Variants in LMX1A observed in about 807,000 individuals in gnomAD.
LMX1A encodes LIM homeobox transcription factor 1-alpha.
A neutral mutation model predicts 49.1 loss-of-function variants in LMX1A; 15 were observed. The ratio of observed to expected loss-of-function variants is 0.31; its 90% confidence interval spans 0.20 to 0.47. The LOEUF is 0.47. LMX1A is among the 20% of genes least tolerant of loss of function. LMX1A has a pLI of 1.00. For synonymous variants in LMX1A, 167 were observed against 185.7 expected, an observed-to-expected ratio of 0.90 and a Z score of 0.82; for missense variants, 372 against 475.8, an observed-to-expected ratio of 0.78 and a Z score of 2.03.
At position 165,213,777 on chromosome 1, in the gene LMX1A, G is replaced by A. The variant is rs770616486; in HGVS notation, c.533C>T (p.Ala178Val). The change falls in exon 5 of 9, where the codon GCC (alanine) becomes GTC (valine). Residue 178 changes from alanine (A) to valine (V), a missense_variant. This residue lies in a region of LMX1A where 199 missense variants were observed against 244.0 expected (regional missense o/e 0.82). Coordinates refer to ENST00000342310, the MANE Select transcript of LMX1A (RefSeq NM_177398.4). ...AGCAGTTCCTTTCCCTGCCCCATGG[G>A]CTGACTTGCAGAGACTTTCTTCATC... ...SDDEESLCKS[A>V]HGAGKGTAEE... 1 of 1,614,126 alleles carries A rather than the reference G, an allele frequency of 6.2e-7. No homozygotes were observed. Among genetic ancestry groups the A allele is most frequent in the Non-Finnish European group, 8.5e-7 (1 of 1,180,006 alleles).
chr1:165,290,374 G>A (rs915227166), intron 3 of LMX1A, among the ~76,000 whole-genome samples: 1 of 152,150 alleles, frequency 6.6e-6, no homozygotes, highest in Non-Finnish European at 1.5e-5. Context: ...TCTGGTGGCT[G>A]CCAATGCCAA....
intron 3 of LMX1A, among the ~76,000 whole-genome samples, chr1:165,341,904 A>G (rs1215547872): frequency 6.6e-6 from 1 of 152,192 alleles, no homozygotes; most frequent in Admixed American, 6.5e-5. Context: ...CCAACTGTTT[A>G]TAAGAGTCTG....
chr1:165,355,589 G>A lies in LMX1A; in HGVS notation c.-22-8C>T, dbSNP rs1434466515. ...GGGCCGGGCCGGGAGGACCTGTAGA[G>A]GAGAAGAAACGATGCGTCTGACGTC... On this transcript the variant is annotated splice_region_variant and splice_polypyrimidine_tract_variant and intron_variant, in intron 1 of 8. Coordinates refer to ENST00000342310, the MANE Select transcript of LMX1A (RefSeq NM_177398.4). This position sits in a 1 kb window ranked among gnomAD's most constrained non-coding sequence, Gnocchi z 4.7. 51 of 1,607,894 alleles carry A rather than the reference G, an allele frequency of 3.2e-5. No homozygotes were observed. The highest frequency in any genetic ancestry group is 4.3e-5 in the Non-Finnish European group (50 of 1,176,216).
intron 3 of LMX1A, among the ~76,000 whole-genome samples, chr1:165,289,404 G>C (rs1654397307): frequency 6.6e-6 from 1 of 152,178 alleles, no homozygotes; most frequent in Non-Finnish European, 1.5e-5. Flanking sequence ...TAGCCCAAGA[G>C]TCAGATGTAA....
intron 4 of LMX1A, among the ~76,000 whole-genome samples, chr1:165,227,601 G>A (rs1362246036): frequency 6.7e-6 from 1 of 149,614 alleles, no homozygotes; most frequent in Non-Finnish European, 1.5e-5. Flanking sequence ...AGAGGGAAAT[G>A]GTTAAGAGCA....
chr1:165,330,532 T>C (rs2101751941), intron 3 of LMX1A, among the ~76,000 whole-genome samples: 1 of 152,336 alleles, frequency 6.6e-6, no homozygotes, highest in African/African-American at 2.4e-5. Context: ...GAGTAGCTCC[T>C]ATGAGACCAA....
chr1:165,289,311 G>A (rs1243954007), intron 3 of LMX1A, among the ~76,000 whole-genome samples: 1 of 151,678 alleles, frequency 6.6e-6, no homozygotes, highest in Non-Finnish European at 1.5e-5. Flanking sequence ...TGGCACTACA[G>A]ATCTAGTTAT....
chr1:165,251,846 T>C (rs1320852722), intron 3 of LMX1A, among the ~76,000 whole-genome samples: 1 of 152,126 alleles, frequency 6.6e-6, no homozygotes, highest in Non-Finnish European at 1.5e-5. Flanking sequence ...ACTATCTCTG[T>C]GGGTCATTCC....
intron 3 of LMX1A, among the ~76,000 whole-genome samples, chr1:165,329,599 T>G (rs1403602611): frequency 6.6e-6 from 1 of 151,408 alleles, no homozygotes; most frequent in African/African-American, 2.4e-5. Context: ...AGGCAGTAAG[T>G]GCCCACATGC....
intron 4 of LMX1A, among the ~76,000 whole-genome samples, chr1:165,226,599 G>A (rs1470186872): frequency 6.6e-6 from 1 of 152,184 alleles, no homozygotes; most frequent in Non-Finnish European, 1.5e-5. Flanking sequence ...CTGAGCTTCG[G>A]GAATCATAGG....
intron 3 of LMX1A, among the ~76,000 whole-genome samples, chr1:165,304,851 TC>T (rs1654878222): frequency 6.6e-6 from 1 of 152,128 alleles, no homozygotes; most frequent in Non-Finnish European, 1.5e-5. Context: ...CTGGAAAACT[TC>T]CCCTCTCCTC....
chr1:165,242,129 A>T (rs1652676445), intron 4 of LMX1A, among the ~76,000 whole-genome samples: 1 of 152,204 alleles, frequency 6.6e-6, no homozygotes, highest in African/African-American at 2.4e-5. Context: ...ACAATAAGCA[A>T]ACATTTACTG....
rs1651171464 is a variant in LMX1A at position 165,208,088 on chromosome 1, C to T, written c.792G>A (p.Gln264=). 6.2e-7 allele frequency: 1 copy of T among 1,614,096 alleles called. No individual in the cohort carries two copies. The highest frequency in any genetic ancestry group is 8.5e-7 in the Non-Finnish European group (1 of 1,180,018). ...ARRQQQQQQD[Q]QNTQRLSSAQ... ...CAGAGCTCAGCCTCTGGGTGTTCTG[C>T]TGATCTTGCTGCTGCTGCTGCTGTC... The change falls in exon 7 of 9, where the codon CAG becomes CAA. Residue 264 remains glutamine, a synonymous_variant. Transcript: ENST00000342310.
At chr1:165,312,743 C>T (rs1655111343) in intron 3 of LMX1A, among the ~76,000 whole-genome samples, 1 of 152,216 alleles carries the variant, frequency 6.6e-6, no homozygotes, top group African/African-American at 2.4e-5. Flanking sequence ...GATCCTCCAT[C>T]CCCAGCTGGT....
chr1:165,271,607 G>A lies in LMX1A; in HGVS notation c.264-21967C>T, dbSNP rs150131332. 4.7e-3 allele frequency among the ~76,000 whole-genome samples: 722 copies of A among 152,234 alleles called. 6 individuals carry two copies. Among genetic ancestry groups the A allele is most frequent in the African/African-American group, 0.017 (691 of 41,530 alleles). Reference sequence around the variant, plus strand: ...CATCCCTGCAATTGAGGGTGCAGTGGACCAAGAGCACAGGTCTTGGGCAGT... The same window carrying A: ...CATCCCTGCAATTGAGGGTGCAGTGAACCAAGAGCACAGGTCTTGGGCAGT... On this transcript the variant is annotated intron_variant, in intron 3 of 8. Coordinates refer to ENST00000342310, the MANE Select transcript of LMX1A (RefSeq NM_177398.4).
intron 3 of LMX1A, among the ~76,000 whole-genome samples, chr1:165,312,949 T>C (rs1655117255): frequency 6.6e-6 from 1 of 152,156 alleles, no homozygotes; most frequent in African/African-American, 2.4e-5. Context: ...GAACCAAATA[T>C]AAAGGAATTA....
Position 165,242,077 on chromosome 1 carries a change from C to T in LMX1A, c.496+7331G>A, listed in dbSNP as rs1652675472. Among the ~76,000 whole-genome samples, 5 of 152,306 alleles carry T rather than the reference C, an allele frequency of 3.3e-5. No homozygotes were observed. The South Asian group carries it at 1.0e-3, about 32-fold the overall frequency. On this transcript the variant is annotated intron_variant, in intron 4 of 8. Coordinates refer to ENST00000342310, the MANE Select transcript of LMX1A (RefSeq NM_177398.4). Reference sequence around the variant, plus strand: ...GAAGTTGATGCTTCTTTGCCAAGGACATCAGAGGCCAATATGAACAGGACA... The same window carrying T: ...GAAGTTGATGCTTCTTTGCCAAGGATATCAGAGGCCAATATGAACAGGACA...
chr1:165,292,138 G>C (rs998189146), intron 3 of LMX1A, among the ~76,000 whole-genome samples: 1 of 150,620 alleles, frequency 6.6e-6, no homozygotes, highest in Non-Finnish European at 1.5e-5. Context: ...AGACGCATCA[G>C]GAAGGCAGTC....
At chr1:165,222,182 T>G (rs1443857207) in intron 4 of LMX1A, among the ~76,000 whole-genome samples, 1 of 152,158 alleles carries the variant, frequency 6.6e-6, no homozygotes, top group East Asian at 1.9e-4. Context: ...CCTGGGTAAA[T>G]ATACTAACTG....
Sources: gnomAD v4.1 joint callset for allele counts (sites outside exome capture counted in the v4.1 genomes callset) on GRCh38, gnomAD v4.1.1 for gene constraint, gnomAD v4.1.1 regional missense constraint, Gnocchi (gnomAD v3.1) non-coding constraint, MANE v1.5 for transcripts, NCBI Gene and HGNC (gene_info 2026-07-23, HGNC 2026-07-21) for gene names.